The following ODAD2 variants were observed in gnomAD, a reference collection of about 807,000 sequenced individuals.
The protein encoded by ODAD2 is outer dynein arm docking complex subunit 2.
In ODAD2, 89 loss-of-function variants were observed where a neutral mutation model predicts 106.8. The observed-to-expected ratio is 0.83, with a 90% CI of 0.70 to 0.99. The LOEUF is 0.99. Ranked by LOEUF, ODAD2 falls within the 50% of genes least tolerant of loss-of-function variation. ODAD2 has a pLI of 0.00. For synonymous variants in ODAD2, 404 were observed against 436.2 expected (o/e 0.93, Z 0.92); for missense variants, 1,168 against 1,238.5 (o/e 0.94, Z 0.85).
chr10:27,969,999 G>A (rs190913086), intron 8 of ODAD2, among the ~76,000 whole-genome samples: 4,114 of 152,006 alleles, frequency 0.027, 76 homozygotes, highest in Non-Finnish European at 0.041. Context: ...CCAGCTACTC[G>A]GGAGGCTGAA....
At chr10:27,972,577 GAGA>G (rs1421357670) in intron 7 of ODAD2, among the ~76,000 whole-genome samples, 1 of 152,100 alleles carries the variant, frequency 6.6e-6, no homozygotes, top group Non-Finnish European at 1.5e-5. Flanking sequence ...TGAAAGGCTG[GAGA>G]AGAATAGTTT....
intron 14 of ODAD2, 71 bp downstream of exon 14, chr10:27,939,826 C>A: frequency 1.2e-6 from 1 of 809,468 alleles, no homozygotes. Context: ...AGAAGGAAAC[C>A]ACATGGTTAG....
chr10:27,941,661 C>T (rs1372250858), intron 12 of ODAD2, among the ~76,000 whole-genome samples: 1 of 134,316 alleles, frequency 7.4e-6, no homozygotes. Flanking sequence ...AGGCAATTTA[C>T]TATAAGGATT....
At chr10:27,998,551 C>T (rs1436758529) in intron 1 of ODAD2, among the ~76,000 whole-genome samples, 1 of 151,136 alleles carries the variant, frequency 6.6e-6, no homozygotes, top group Non-Finnish European at 1.5e-5. Flanking sequence ...CGAGGTAGTG[C>T]AGAGAGGGGC....
rs187335186 is a variant in ODAD2 at position 27,960,590 on chromosome 10, T to C, written c.1386+978A>G. On this transcript the variant is annotated intron_variant, in intron 10 of 19. Coordinates refer to ENST00000305242, the MANE Select transcript of ODAD2 (RefSeq NM_018076.5). ...GTCTTGAACTCCTGACCTCAGACGA[T>C]CCACCCTCCTCGGCCTCCCAAAGTG... 4.3e-3 allele frequency among the ~76,000 whole-genome samples: 656 copies of C among 152,108 alleles called. 6 individuals carry two copies. The highest frequency in any genetic ancestry group is 0.015 in the African/African-American group (640 of 41,514).
chr10:27,895,535 C>G (rs547590091), intron 17 of ODAD2, among the ~76,000 whole-genome samples: 2 of 152,124 alleles, frequency 1.3e-5, no homozygotes, highest in African/African-American at 4.8e-5. Context: ...GCTATTCACC[C>G]GCCTCGGCCT....
At chr10:27,922,911 A>G (rs1844894599) in intron 16 of ODAD2, among the ~76,000 whole-genome samples, 1 of 152,144 alleles carries the variant, frequency 6.6e-6, no homozygotes, top group Non-Finnish European at 1.5e-5. Flanking sequence ...GTCTCAAAAA[A>G]CAAAAACAAA....
chr10:27,985,004 T>C lies in ODAD2; in HGVS notation c.575+15A>G. 1 of 1,599,554 alleles carries C rather than the reference T, an allele frequency of 6.3e-7. No individual in the cohort carries two copies. Among genetic ancestry groups the C allele is most frequent in the Non-Finnish European group, 8.5e-7 (1 of 1,173,818 alleles). On this transcript the variant is annotated intron_variant, in intron 4 of 19. Transcript: ENST00000305242. ...GGCTCAATACAATAGAGGTTCCTTT[T>C]TGAAAAAGACTCACAATGAAATATG... is the stretch of plus-strand genomic sequence containing the variant.
At chr10:27,889,060 A>G (rs1426111727) in intron 17 of ODAD2, among the ~76,000 whole-genome samples, 1 of 152,214 alleles carries the variant, frequency 6.6e-6, no homozygotes, top group Non-Finnish European at 1.5e-5. Context: ...ATTTTACAGG[A>G]CAATAAAACA....
intron 16 of ODAD2, among the ~76,000 whole-genome samples, chr10:27,924,014 GAAAGAAAGAA>G (rs1845029306): frequency 5.5e-5 from 7 of 128,224 alleles, no homozygotes; most frequent in South Asian, 2.7e-4. Context: ...AAGAAAGAAA[GAAAGAAAGAA>G]GGAAAGAGAA....
chr10:27,949,878 CA>C (rs1467716719), intron 10 of ODAD2, among the ~76,000 whole-genome samples: 1 of 152,078 alleles, frequency 6.6e-6, no homozygotes, highest in African/African-American at 2.4e-5. Flanking sequence ...AGGTTTTTAT[CA>C]ACTTGGTTCA....
chr10:27,910,128 T>C (rs1308640046), intron 16 of ODAD2, among the ~76,000 whole-genome samples: 1 of 152,152 alleles, frequency 6.6e-6, no homozygotes, highest in African/African-American at 2.4e-5. Context: ...CTGTCCTCAG[T>C]TTTTCTCAAT....
At chr10:27,850,109 A>G (rs1403008292) in intron 19 of ODAD2, among the ~76,000 whole-genome samples, 1 of 152,128 alleles carries the variant, frequency 6.6e-6, no homozygotes, top group African/African-American at 2.4e-5. Context: ...ATACTTCACT[A>G]ATTTGGGCCT....
In ODAD2 at chr10:27,978,156, A is replaced by G. The variant is rs550557357; in HGVS notation, c.936+3310T>C. ...AAACAAATTGTGGCATATCCATACA[A>G]TGGAATAATACACATCCATAAAAGC... is the stretch of plus-strand genomic sequence containing the variant. On this transcript the variant is annotated intron_variant, in intron 7 of 19. Transcript: ENST00000305242. Among the ~76,000 whole-genome samples the G allele has an allele frequency of 1.3e-4, 20 of 152,322 alleles. No individual in the cohort carries two copies. The South Asian group carries it at 3.9e-3, about 30-fold the overall frequency.
At chr10:27,991,306 C>T (rs1850224197) in intron 2 of ODAD2, among the ~76,000 whole-genome samples, 1 of 150,004 alleles carries the variant, frequency 6.7e-6, no homozygotes, top group Admixed American at 6.7e-5. Context: ...AATGTTATAA[C>T]ATGATGAAAA....
At chr10:27,936,949 G>C (rs1470693330) in intron 14 of ODAD2, 69 bp from the exon 15 acceptor site, 2 of 1,496,544 alleles carry the variant, frequency 1.3e-6, no homozygotes, top group Non-Finnish European at 9.0e-7. Flanking sequence ...TGCTAAAAAG[G>C]CTGCCATTCT....
intron 12 of ODAD2, among the ~76,000 whole-genome samples, chr10:27,942,639 G>C (rs1846539703): frequency 6.6e-6 from 1 of 152,060 alleles, no homozygotes; most frequent in African/African-American, 2.4e-5. Flanking sequence ...CTACCAAATT[G>C]TTTCATTATT....
intron 17 of ODAD2, among the ~76,000 whole-genome samples, chr10:27,886,456 CT>C (rs1232015224): frequency 6.6e-6 from 1 of 151,898 alleles, no homozygotes; most frequent in Non-Finnish European, 1.5e-5. Context: ...TTAGACTAAC[CT>C]AGAGAAACAA....
At chr10:27,826,576 GCA>G (rs1377279950) in intron 19 of ODAD2, among the ~76,000 whole-genome samples, 2 of 151,936 alleles carry the variant, frequency 1.3e-5, no homozygotes, top group Non-Finnish European at 2.9e-5. Flanking sequence ...GCCACCACAC[GCA>G]CAGATTCCCG....
Sources: allele counts gnomAD v4.1 joint callset (sites outside exome capture counted in the v4.1 genomes callset), GRCh38; gene constraint gnomAD v4.1.1; transcripts MANE v1.5; gene names NCBI Gene and HGNC (gene_info 2026-07-23, HGNC 2026-07-21).